Variants in DCN observed in about 807,000 individuals in gnomAD.
The protein encoded by DCN is bone proteoglycan II.
Under a neutral mutation model 36.5 loss-of-function variants are expected in DCN, and 17 were observed. The observed-to-expected ratio is 0.47, with a 90% CI of 0.32 to 0.70. The LOEUF (loss-of-function observed/expected upper bound fraction) is 0.70. Ranked by LOEUF, DCN falls within the 30% of genes least tolerant of loss-of-function variation. DCN has a pLI of 0.04. For missense variants in DCN, 389 were observed against 430.1 expected (o/e 0.90, Z 0.84); for synonymous variants, 163 against 161.4 (o/e 1.01, Z -0.07).
chr12:91,179,348 T>G (rs1883476900), intron 1 of DCN: 1 of 152,320 alleles, frequency 6.6e-6, no homozygotes, highest in Non-Finnish European at 1.5e-5. Flanking sequence ...CTACTTGCCA[T>G]GTAGAATACC....
At chr12:91,180,121 G>A (rs1027740786) in intron 1 of DCN, 6 of 152,042 alleles carry the variant, frequency 3.9e-5, no homozygotes, top group African/African-American at 1.4e-4. Context: ...AAACCATTCT[G>A]ATATCTCCAA....
At chr12:91,147,859 A>G (rs995269300) in intron 7 of DCN, among the ~76,000 whole-genome samples, 1 of 152,172 alleles carries the variant, frequency 6.6e-6, no homozygotes, top group Non-Finnish European at 1.5e-5. Context: ...ATAATTAATC[A>G]GAGTTTTTTT....
intron 7 of DCN, among the ~76,000 whole-genome samples, chr12:91,146,652 C>T (rs1420820987): frequency 6.6e-6 from 1 of 152,118 alleles, no homozygotes; most frequent in Admixed American, 6.5e-5. Context: ...CCACGACAGG[C>T]CCCACTTTGA....
At chr12:91,147,891 A>G (rs1333177124) in intron 7 of DCN, among the ~76,000 whole-genome samples, 6 of 152,138 alleles carry the variant, frequency 3.9e-5, no homozygotes, top group African/African-American at 1.2e-4. Context: ...TTTTACAATC[A>G]TGTTTAAGAT....
At chr12:91,168,828 CTT>C (rs1882748374) in intron 2 of DCN, among the ~76,000 whole-genome samples, 2 of 152,292 alleles carry the variant, frequency 1.3e-5, no homozygotes, top group Admixed American at 1.3e-4. Flanking sequence ...TCTTCAGTGT[CTT>C]TGCCATATTT....
intron 2 of DCN, chr12:91,172,979 A>G: frequency 2.2e-6 from 1 of 445,256 alleles, no homozygotes; most frequent in Admixed American, 3.9e-5. Flanking sequence ...TGTAGATTAC[A>G]GTAAAAAAGG....
In DCN at chr12:91,144,954, A is replaced by T. The variant is rs1880921273; in HGVS notation, c.*1104T>A. 6.6e-6 allele frequency: 1 copy of T among 152,188 alleles called. No homozygotes were observed. The highest frequency in any genetic ancestry group is 6.5e-5 in the Admixed American group (1 of 15,288). The allele number at this position is 152,188 out of a possible 1,614,324, so 9.4% of individuals were successfully genotyped here. A position where few individuals can be genotyped will look rare whatever the true frequency, so the allele number is the denominator to read the frequency against. ...AATAAATTATTTAAATTTACACTGT[A>T]TTTCAATTATTTTTTCCCATATGAA... On this transcript the variant is annotated 3_prime_UTR_variant, in exon 8 of 8. Coordinates refer to ENST00000052754, the MANE Select transcript of DCN (RefSeq NM_001920.5).
At position 91,178,440 on chromosome 12, in the gene DCN, G is replaced by A; in HGVS notation, c.113C>T (p.Pro38Leu). 5 of 1,613,844 alleles carry A rather than the reference G, an allele frequency of 3.1e-6. No homozygotes were observed. Among genetic ancestry groups the A allele is most frequent in the Non-Finnish European group, 4.2e-6 (5 of 1,179,964 alleles). ...GAAGTCGCGGTCATCAGGAACTTCT[G>A]GGCCTATCCCAGAAGCCTCATCTTC... ...MLEDEASGIG[P>L]EVPDDRDFEP... The change falls in exon 2 of 8, where the codon CCA (proline) becomes CTA (leucine). Residue 38 changes from proline (P) to leucine (L), a missense_variant. By Grantham distance (98) the Pro-to-Leu change is moderately conservative. Coordinates refer to ENST00000052754, the MANE Select transcript of DCN (RefSeq NM_001920.5).
At chr12:91,157,933 A>G (rs1015991153) in intron 4 of DCN, among the ~76,000 whole-genome samples, 2 of 152,178 alleles carry the variant, frequency 1.3e-5, no homozygotes, top group African/African-American at 2.4e-5. Context: ...CAGCCATAAC[A>G]TATTTTTAAA....
At chr12:91,171,570 T>C (rs1487890595) in intron 2 of DCN, among the ~76,000 whole-genome samples, 1 of 152,166 alleles carries the variant, frequency 6.6e-6, no homozygotes, top group Non-Finnish European at 1.5e-5. Flanking sequence ...GAAAAGGTTG[T>C]ACAGCTGCTA....
Position 91,142,047 on chromosome 12 carries a change from T to C in DCN, c.*4011A>G, listed in dbSNP as rs1363937302. On this transcript the variant is annotated 3_prime_UTR_variant, in exon 8 of 8. Coordinates refer to ENST00000052754, the MANE Select transcript of DCN (RefSeq NM_001920.5). ...TTTACTTTGTTTTCCACTATTATAC[T>C]TTGTGGTGTGAAATTGACAGTCTGT... 6.6e-6 allele frequency: 1 copy of C among 152,212 alleles called. No homozygotes were observed. Among genetic ancestry groups the C allele is most frequent in the Non-Finnish European group, 1.5e-5 (1 of 68,034 alleles). The allele number at this position is 152,212 out of a possible 1,614,324, so 9.4% of individuals were successfully genotyped here. A position where few individuals can be genotyped will look rare whatever the true frequency, so the allele number is the denominator to read the frequency against.
intron 3 of DCN, among the ~76,000 whole-genome samples, chr12:91,162,866 G>A (rs547954803): frequency 2.0e-5 from 3 of 152,068 alleles, no homozygotes; most frequent in Non-Finnish European, 4.4e-5. Context: ...TGCCACTAGT[G>A]ACCCTCAACA....
intron 1 of DCN, chr12:91,180,617 TTA>T (rs1339990986): frequency 7.2e-5 from 11 of 152,156 alleles, no homozygotes; most frequent in African/African-American, 2.7e-4. Flanking sequence ...ATCATAAAGA[TTA>T]TTATTCACAC....
At chr12:91,151,188 C>T (rs964741894) in intron 7 of DCN, 4 of 205,396 alleles carry the variant, frequency 1.9e-5, no homozygotes, top group African/African-American at 2.5e-5. Context: ...ATTCTGCAAA[C>T]GTATCTCATT....
At chr12:91,181,452 A>T (rs1004395814) in intron 1 of DCN, among the ~76,000 whole-genome samples, 3 of 152,026 alleles carry the variant, frequency 2.0e-5, no homozygotes, top group African/African-American at 7.2e-5. Context: ...AACCAAAGAG[A>T]TTGTTATTGA....
intron 3 of DCN, among the ~76,000 whole-genome samples, 183 bp downstream of exon 3, chr12:91,164,422 A>AAC (rs1882386615): frequency 6.8e-6 from 1 of 146,816 alleles, no homozygotes; most frequent in Non-Finnish European, 1.5e-5. Context: ...AAAAAAGAAA[A>AAC]AGAAAAACAG....
At chr12:91,172,575 A>C in intron 2 of DCN, 1 of 458,084 alleles carries the variant, frequency 2.2e-6, no homozygotes, top group Non-Finnish European at 3.9e-6. Context: ...TTCCAGTCAA[A>C]CTCAAGGAAT....
chr12:91,172,161 A>G (rs1399030463), intron 2 of DCN: 1 of 148,338 alleles, frequency 6.7e-6, no homozygotes, highest in Non-Finnish European at 1.5e-5. Context: ...TTTTTTTTTT[A>G]TTTCCCTTCT....
chr12:91,142,415 T>C lies in DCN; in HGVS notation c.*3643A>G, dbSNP rs1880782058. ...CCTTCGTATAAAGATAAGATTATGATATCCTGCAGCTGCCTCTGCAATAAA... is the reference window on the plus strand; with the variant it reads ...CCTTCGTATAAAGATAAGATTATGACATCCTGCAGCTGCCTCTGCAATAAA... On this transcript the variant is annotated 3_prime_UTR_variant, in exon 8 of 8. Transcript: ENST00000052754. 1 of 152,180 alleles carries C rather than the reference T, an allele frequency of 6.6e-6. No individual in the cohort carries two copies. Among genetic ancestry groups the C allele is most frequent in the African/African-American group, 2.4e-5 (1 of 41,430 alleles). 9.4% of individuals were successfully genotyped at this position (152,180 alleles called of 1,614,324 possible).
Sources: allele counts gnomAD v4.1 joint callset (sites outside exome capture counted in the v4.1 genomes callset), GRCh38; gene constraint gnomAD v4.1.1; transcripts MANE v1.5; gene names NCBI Gene and HGNC (gene_info 2026-07-23, HGNC 2026-07-21).